Variants in RETNLB observed in about 807,000 individuals in gnomAD.
RETNLB encodes the protein resistin-like beta.
Under a neutral mutation model 6.8 loss-of-function variants are expected in RETNLB, and 11 were observed. The ratio of observed to expected loss-of-function variants is 1.62; its 90% CI spans 1.02 to 2.68. The LOEUF is 2.68. RETNLB is among the 30% of genes most tolerant of loss of function. The pLI is 0.00. For missense variants in RETNLB, 146 were observed against 135.7 expected (o/e 1.08, Z -0.38); for synonymous variants, 57 against 54.2 (o/e 1.05, Z -0.23).
chr3:108,756,725 T>C (rs1363395481), intron 1 of RETNLB, 137 bp from the exon 2 acceptor site: 1 of 654,380 alleles, frequency 1.5e-6, no homozygotes, highest in Non-Finnish European at 2.7e-6. Context: ...TAAGGTTAGT[T>C]TCCTCATTTT....
At chr3:108,756,856 A>G in intron 1 of RETNLB, 1 of 613,448 alleles carries the variant, frequency 1.6e-6, no homozygotes, top group Non-Finnish European at 2.8e-6. Context: ...TACAGCTACC[A>G]TTCTCCTCCA....
At chr3:108,756,451 G>T in intron 2 of RETNLB, 57 bp downstream of exon 2, 4 of 1,151,252 alleles carry the variant, frequency 3.5e-6, no homozygotes, top group South Asian at 1.2e-5. Flanking sequence ...GCAGGGAGAT[G>T]GACAGGGGAG....
Position 108,755,895 on chromosome 3 carries a change from G to A in RETNLB, c.219C>T (p.Val73=). The change falls in exon 3 of 3, where the codon GTC becomes GTT. Residue 73 remains valine (V), a synonymous_variant. Coordinates refer to ENST00000295755, the MANE Select transcript of RETNLB (RefSeq NM_032579.3). ...RPSSCPAGMA[V]TGCACGYGCG... ...AGCCATAGCCACAAGCACAGCCAGT[G>A]ACAGCCATCCCTGCATGAGCACATG... 6.2e-7 allele frequency: 1 copy of A among 1,614,148 alleles called. No homozygotes were observed. The highest frequency in any genetic ancestry group is 8.5e-7 in the Non-Finnish European group (1 of 1,180,030).
At position 108,756,524 on chromosome 3, in the gene RETNLB, C is replaced by T. The variant is rs777409381; in HGVS notation, c.192G>A (p.Pro64=). 3.5e-5 allele frequency: 57 copies of T among 1,611,634 alleles called. No individual in the cohort carries two copies. Among genetic ancestry groups the T allele is most frequent in the South Asian group, 9.9e-5 (9 of 91,038 alleles). Residue 64 remains proline (P), a synonymous_variant, in exon 2 of 3, where the codon CCG becomes CCA. Coordinates refer to ENST00000295755, the MANE Select transcript of RETNLB (RefSeq NM_032579.3). The stretch of plus-strand genomic sequence containing the variant: ...GTTACTCACCAGCAGGGCAGGAGGA[C>T]GGTCTGCCTTGGCTTTTGACACTAG... The part of the protein sequence containing the change: ...SCASVKSQGR[P]SSCPAGMAVT...
chr3:108,755,651 T>C lies in RETNLB; in HGVS notation c.*127A>G, dbSNP rs891968492. The C allele has an allele frequency of 1.2e-5, 13 of 1,072,998 alleles. No homozygotes were observed. The highest frequency in any genetic ancestry group is 2.0e-5 in the Admixed American group (1 of 49,814). 66.5% of individuals were successfully genotyped at this position (1,072,998 alleles called of 1,614,324 possible). On this transcript the variant is annotated 3_prime_UTR_variant, in exon 3 of 3. Coordinates refer to ENST00000295755, the MANE Select transcript of RETNLB (RefSeq NM_032579.3). ...ACATAAGCACAGAGAGGTACAAAGTTTGTCTTTATTACCCAAGAATCAGGA... is the reference window on the plus strand; with the variant it reads ...ACATAAGCACAGAGAGGTACAAAGTCTGTCTTTATTACCCAAGAATCAGGA...
Position 108,755,685 on chromosome 3 carries a change from A to G in RETNLB, c.*93T>C. 7.1e-7 allele frequency: 1 copy of G among 1,401,320 alleles called. No individual in the cohort carries two copies. The highest frequency in any genetic ancestry group is 1.0e-6 in the Non-Finnish European group (1 of 1,001,758). 86.8% of individuals were successfully genotyped at this position (1,401,320 alleles called of 1,614,324 possible). A position where few individuals can be genotyped will look rare whatever the true frequency, so the allele number is the denominator to read the frequency against. ...TTACCCAAGAATCAGGAATGGAACA[A>G]ATGAAGTGGGACGTTTGAGTTAGAT... is the stretch of plus-strand genomic sequence containing the variant. On this transcript the variant is annotated 3_prime_UTR_variant, in exon 3 of 3. Transcript: ENST00000295755.
In RETNLB at chr3:108,755,753, A is replaced by G; in HGVS notation, c.*25T>C. 4 of 1,610,770 alleles carry G rather than the reference A, an allele frequency of 2.5e-6. No homozygotes were observed. Among genetic ancestry groups the G allele is most frequent in the Non-Finnish European group, 3.4e-6 (4 of 1,177,218 alleles). On this transcript the variant is annotated 3_prime_UTR_variant, in exon 3 of 3. Coordinates refer to ENST00000295755, the MANE Select transcript of RETNLB (RefSeq NM_032579.3). ...GGTTTCATTACTGTCATGGTCACAA[A>G]ACTGAGTTCTCAGCCTCCTCCCTGT...
intron 2 of RETNLB, 149 bp from the exon 3 acceptor site, chr3:108,756,054 C>G: frequency 1.3e-6 from 1 of 784,672 alleles, no homozygotes; most frequent in Admixed American, 2.7e-5. Flanking sequence ...GAGCTCATTT[C>G]AAGAAAAGAA....
In RETNLB at chr3:108,756,429, G is replaced by T. The variant is rs571122007; in HGVS notation, c.208+79C>A. 1.1e-3 allele frequency: 1,073 copies of T among 971,808 alleles called. 1 individual carries two copies. Among genetic ancestry groups the T allele is most frequent in the Non-Finnish European group, 1.7e-3 (989 of 598,422 alleles). 60.2% of individuals were successfully genotyped at this position (971,808 alleles called of 1,614,324 possible). The stretch of plus-strand genomic sequence containing the variant: ...AGGGTGATACAGACCTGACATGGGG[G>T]AAGACGTAGGTGCAGGGAGATGGAC... On this transcript the variant is annotated intron_variant, in intron 2 of 2. Coordinates refer to ENST00000295755, the MANE Select transcript of RETNLB (RefSeq NM_032579.3).
Position 108,755,755 on chromosome 3 carries a change from C to G in RETNLB, c.*23G>C. 1 of 1,611,096 alleles carries G rather than the reference C, an allele frequency of 6.2e-7. No individual in the cohort carries two copies. The highest frequency in any genetic ancestry group is 1.3e-5 in the African/African-American group (1 of 75,004). On this transcript the variant is annotated 3_prime_UTR_variant, in exon 3 of 3. Transcript: ENST00000295755. ...TTTCATTACTGTCATGGTCACAAAA[C>G]TGAGTTCTCAGCCTCCTCCCTGTCA...
chr3:108,756,005 A>G, intron 2 of RETNLB, 100 bp from the exon 3 acceptor site: 1 of 1,447,134 alleles, frequency 6.9e-7, no homozygotes, highest in Non-Finnish European at 9.6e-7. Context: ...TCAGGGGTAG[A>G]GCTAGGTTTC....
At position 108,755,867 on chromosome 3, in the gene RETNLB, C is replaced by T. The variant is rs1190509156; in HGVS notation, c.247G>A (p.Gly83Ser). Residue 83 changes from glycine to serine, a missense_variant, in exon 3 of 3, where the codon GGT becomes AGT. Gly to Ser is a moderately conservative substitution (Grantham distance 56). Transcript: ENST00000295755. ...VTGCACGYGC[G>S]SWDVQLETTC... Reference sequence around the variant, plus strand: ...GTTTCCAGCTGAACATCCCACGAACCACAGCCATAGCCACAAGCACAGCCA... The same window carrying T: ...GTTTCCAGCTGAACATCCCACGAACTACAGCCATAGCCACAAGCACAGCCA... 1.1e-5 allele frequency: 17 copies of T among 1,614,042 alleles called. No homozygotes were observed. Among genetic ancestry groups the T allele is most frequent in the Non-Finnish European group, 1.4e-5 (16 of 1,180,034 alleles).
chr3:108,755,911 T>A lies in RETNLB; in HGVS notation c.209-6A>T, dbSNP rs1422538186. The A allele has an allele frequency of 1.2e-6, 2 of 1,613,990 alleles. No homozygotes were observed. Among genetic ancestry groups the A allele is most frequent in the East Asian group, 4.5e-5 (2 of 44,888 alleles). On this transcript the variant is annotated splice_region_variant and splice_polypyrimidine_tract_variant and intron_variant, in intron 2 of 2. Coordinates refer to ENST00000295755, the MANE Select transcript of RETNLB (RefSeq NM_032579.3). Reference sequence around the variant, plus strand: ...ACAGCCAGTGACAGCCATCCCTGCATGAGCACATGAAGCACAGACATCAGA... The same window carrying A: ...ACAGCCAGTGACAGCCATCCCTGCAAGAGCACATGAAGCACAGACATCAGA...
At chr3:108,756,335 C>T (rs978488680) in intron 2 of RETNLB, among the ~76,000 whole-genome samples, 173 bp downstream of exon 2, 3 of 152,094 alleles carry the variant, frequency 2.0e-5, no homozygotes, top group African/African-American at 7.2e-5. Context: ...CCAGTAGCAT[C>T]CTTCAGGGAA....
chr3:108,756,242 T>C (rs1945249474), intron 2 of RETNLB, among the ~76,000 whole-genome samples: 1 of 152,116 alleles, frequency 6.6e-6, no homozygotes, highest in African/African-American at 2.4e-5. Flanking sequence ...GTGATCATTA[T>C]GGGACAATGG....
chr3:108,756,013 T>C, intron 2 of RETNLB, 108 bp from the exon 3 acceptor site: 1 of 1,267,560 alleles, frequency 7.9e-7, no homozygotes, highest in South Asian at 1.3e-5. Context: ...AGAGCTAGGT[T>C]TCGTGGGGCC....
At chr3:108,756,973 G>A in intron 1 of RETNLB, 86 bp downstream of exon 1, 1 of 1,482,246 alleles carries the variant, frequency 6.7e-7, no homozygotes, top group Non-Finnish European at 9.1e-7. Flanking sequence ...TGGGATCTTG[G>A]GATGGGATAG....
At position 108,757,327 on chromosome 3, in the gene RETNLB, C is replaced by T; in HGVS notation, c.-142G>A. ...AGATGGAAGAACAGCGTCATCAGTA[C>T]TGGATCTCTTTAGGCAGTTTGGAGA... On this transcript the variant is annotated 5_prime_UTR_variant, in exon 1 of 3. Coordinates refer to ENST00000295755, the MANE Select transcript of RETNLB (RefSeq NM_032579.3). 2.2e-6 allele frequency: 2 copies of T among 912,204 alleles called. No individual in the cohort carries two copies. The highest frequency in any genetic ancestry group is 3.2e-6 in the Non-Finnish European group (2 of 626,070). The allele number at this position is 912,204 out of a possible 1,614,324, so 56.5% of individuals were successfully genotyped here.
At chr3:108,756,475 G>T in intron 2 of RETNLB, 33 bp downstream of exon 2, 3 of 1,409,332 alleles carry the variant, frequency 2.1e-6, no homozygotes, top group Non-Finnish European at 3.0e-6. Flanking sequence ...ACAGGGCATC[G>T]TAGTCGCCAT....
Sources: allele counts gnomAD v4.1 joint callset (sites outside exome capture counted in the v4.1 genomes callset), GRCh38; gene constraint gnomAD v4.1.1; transcripts MANE v1.5; gene names NCBI Gene and HGNC (gene_info 2026-07-23, HGNC 2026-07-21).